Variants in RORB observed in about 807,000 individuals in gnomAD.
RORB encodes RAR related orphan receptor B.
In RORB, 6 loss-of-function variants were observed where a neutral mutation model predicts 59.1. That is an observed-to-expected ratio of 0.10 (90% CI 0.06 to 0.20). RORB has a LOEUF of 0.20. Among genes scored for constraint, RORB ranks in the 10% least tolerant of loss-of-function variants. The pLI is 1.00. For synonymous variants in RORB, 215 were observed against 204.5 expected (o/e 1.05, Z -0.44); for missense variants, 320 against 560.5 (o/e 0.57, Z 4.33).
chr9:74,666,871 A>T (rs1388993450), intron 7 of RORB, among the ~76,000 whole-genome samples: 1 of 152,220 alleles, frequency 6.6e-6, no homozygotes, highest in African/African-American at 2.4e-5. Context: ...ATTAGCAAAG[A>T]TGGGCTGATG....
At chr9:74,586,600 C>CGTGTGT (rs1313500289) in intron 1 of RORB, among the ~76,000 whole-genome samples, 47,191 of 141,004 alleles carry the variant, frequency 0.33, 8,243 homozygotes, top group Non-Finnish European at 0.38. Flanking sequence ...ATGTAATGTC[C>CGTGTGT]GTGTGTGTGT....
chr9:74,545,938 A>G (rs1826480220), intron 1 of RORB, among the ~76,000 whole-genome samples: 1 of 152,232 alleles, frequency 6.6e-6, no homozygotes, highest in African/African-American at 2.4e-5. Flanking sequence ...ATCTAACAAA[A>G]TGCAAAGGCG....
chr9:74,588,063 A>G (rs1171416766), intron 1 of RORB, among the ~76,000 whole-genome samples: 3 of 152,106 alleles, frequency 2.0e-5, no homozygotes, highest in Non-Finnish European at 4.4e-5. Context: ...TGCTCATAGG[A>G]GTTTTTTTAA....
intron 4 of RORB, among the ~76,000 whole-genome samples, chr9:74,657,211 A>AATTTATTTATTT (rs575383495): frequency 6.6e-6 from 1 of 151,794 alleles, no homozygotes; most frequent in African/African-American, 2.4e-5. Context: ...ATGCCCAGCT[A>AATTTATTTATTT]ATTTATTTAT....
intron 1 of RORB, among the ~76,000 whole-genome samples, chr9:74,542,435 A>G (rs911975589): frequency 3.1e-4 from 47 of 152,330 alleles, no homozygotes; most frequent in African/African-American, 1.1e-3. Context: ...AGTAGACACA[A>G]CTGAAGAGAG....
At chr9:74,634,601 G>T in intron 2 of RORB, 30 bp from the exon 3 acceptor site, 1 of 1,573,284 alleles carries the variant, frequency 6.4e-7, no homozygotes, top group East Asian at 2.3e-5. Flanking sequence ...TTATAAATCT[G>T]TTTCCCTCCC....
At chr9:74,623,118 C>T (rs1168782691) in intron 1 of RORB, among the ~76,000 whole-genome samples, 1 of 152,182 alleles carries the variant, frequency 6.6e-6, no homozygotes, top group Non-Finnish European at 1.5e-5. Flanking sequence ...ATCTCCCTTA[C>T]CTTTATCAAA....
In RORB at chr9:74,688,016, G is replaced by A. The variant is rs1481303706; in HGVS notation, c.*2398G>A. 2 of 152,164 alleles carry A rather than the reference G, an allele frequency of 1.3e-5. No homozygotes were observed. Among genetic ancestry groups the A allele is most frequent in the Non-Finnish European group, 2.9e-5 (2 of 68,034 alleles). 9.4% of individuals were successfully genotyped at this position (152,164 alleles called of 1,614,324 possible). A position where few individuals can be genotyped will look rare whatever the true frequency, so the allele number is the denominator to read the frequency against. ...TTTATTTCCTCCAATTTACCTTAGA[G>A]GATTTAAATTGGCTCAATTGATGAA... On this transcript the variant is annotated 3_prime_UTR_variant, in exon 10 of 10. Coordinates refer to ENST00000376896, the MANE Select transcript of RORB (RefSeq NM_006914.4).
At chr9:74,685,389 A>G in intron 9 of RORB, 74 bp from the exon 10 acceptor site, 1 of 1,233,308 alleles carries the variant, frequency 8.1e-7, no homozygotes, top group Non-Finnish European at 1.1e-6. Flanking sequence ...GGGGCCAGAA[A>G]GGACACTGGT....
At chr9:74,595,865 C>G (rs1327194604) in intron 1 of RORB, among the ~76,000 whole-genome samples, 1 of 152,118 alleles carries the variant, frequency 6.6e-6, no homozygotes, top group Admixed American at 6.5e-5. Context: ...AATTACCAAG[C>G]ACGTTGCGTT....
intron 1 of RORB, among the ~76,000 whole-genome samples, chr9:74,505,154 G>T (rs968956407): frequency 2.3e-4 from 35 of 152,174 alleles, no homozygotes; most frequent in African/African-American, 7.9e-4. Context: ...TGCAAAAAAT[G>T]CAGATTTATT....
At chr9:74,499,401 T>G (rs2118004083) in intron 1 of RORB, among the ~76,000 whole-genome samples, 1 of 152,238 alleles carries the variant, frequency 6.6e-6, no homozygotes, top group East Asian at 1.9e-4. Flanking sequence ...GCCCCGAGCC[T>G]GGACTCAAGG....
chr9:74,619,041 G>C (rs141533411), intron 1 of RORB, among the ~76,000 whole-genome samples: 1 of 152,114 alleles, frequency 6.6e-6, no homozygotes, highest in Non-Finnish European at 1.5e-5. Flanking sequence ...ACAGATTAAG[G>C]CATGATTGAT....
At chr9:74,546,451 G>C (rs1380922218) in intron 1 of RORB, among the ~76,000 whole-genome samples, 1 of 152,078 alleles carries the variant, frequency 6.6e-6, no homozygotes, top group African/African-American at 2.4e-5. Context: ...AAAGAGAAAA[G>C]CTAGTGTAGA....
chr9:74,565,993 A>T (rs1822463031), intron 1 of RORB, among the ~76,000 whole-genome samples: 1 of 152,210 alleles, frequency 6.6e-6, no homozygotes, highest in Admixed American at 6.5e-5. Flanking sequence ...AATACTTCAT[A>T]CATTTCAGTA....
At chr9:74,571,769 T>G (rs1286788018) in intron 1 of RORB, among the ~76,000 whole-genome samples, 1 of 152,068 alleles carries the variant, frequency 6.6e-6, no homozygotes, top group Admixed American at 6.6e-5. Flanking sequence ...AAATAGGAGG[T>G]TGCAGATGTT....
intron 4 of RORB, among the ~76,000 whole-genome samples, chr9:74,643,212 G>T (rs764816572): frequency 5.3e-5 from 8 of 152,096 alleles, no homozygotes; most frequent in Non-Finnish European, 1.0e-4. Flanking sequence ...AAACGAACAG[G>T]GGCCCAACTC....
intron 8 of RORB, among the ~76,000 whole-genome samples, chr9:74,671,051 C>A (rs1053808222): frequency 6.6e-6 from 1 of 151,400 alleles, no homozygotes; most frequent in African/African-American, 2.4e-5. Flanking sequence ...ATTTTGTCAC[C>A]GTGGTGTATA....
At chr9:74,660,528 C>A in intron 4 of RORB, 89 bp from the exon 5 acceptor site, 1 of 1,247,250 alleles carries the variant, frequency 8.0e-7, no homozygotes, top group Non-Finnish European at 1.1e-6. Context: ...GGAGTATCTC[C>A]AAAAGGCATT....
Sources: allele counts gnomAD v4.1 joint callset (sites outside exome capture counted in the v4.1 genomes callset), GRCh38; gene constraint gnomAD v4.1.1; transcripts MANE v1.5; gene names NCBI Gene and HGNC (gene_info 2026-07-23, HGNC 2026-07-21).